The following CSMD2 variants were observed in gnomAD, a reference collection of about 807,000 sequenced individuals.
The protein encoded by CSMD2 is CUB and sushi domain-containing protein 2.
CSMD2 carries 130 observed loss-of-function variants against 398.5 expected under a neutral mutation model. The ratio of observed to expected loss-of-function variants is 0.33; its 90% CI spans 0.28 to 0.38. CSMD2 has a LOEUF of 0.38. Among genes scored for constraint, CSMD2 ranks in the 10% least tolerant of loss-of-function variants. CSMD2 has a pLI of 1.00. For missense variants in CSMD2, 3,829 were observed against 4,764.9 expected, an observed-to-expected ratio of 0.80 and a Z score of 5.78; for synonymous variants, 1,828 against 1,908.5, an observed-to-expected ratio of 0.96 and a Z score of 1.10.
intron 35 of CSMD2, 131 bp from the exon 36 acceptor site, chr1:33,623,597 A>G: frequency 1.5e-6 from 1 of 648,538 alleles, no homozygotes; most frequent in Admixed American, 2.6e-5. Flanking sequence ...ACACTGTGCT[A>G]GTCCCTTTCA....
In CSMD2 at chr1:33,935,916, G is replaced by T. The variant is rs750977806; in HGVS notation, c.556C>A (p.Pro186Thr). ...GTTGAACCCTGCTGGATGCCATTGG[G>T]CAGCCTCCCTGGGTTCCCACATGTG... ...SHTCGNPGRL[P>T]NGIQQGSTFN... Residue 186 changes from proline to threonine, a missense_variant, in exon 4 of 71, where the codon CCC becomes ACC. This residue lies in a region of CSMD2 where 2,001 missense variants were observed against 2,567.1 expected (regional missense o/e 0.78). Coordinates refer to ENST00000373381, the MANE Select transcript of CSMD2 (RefSeq NM_001281956.2). The T allele has an allele frequency of 1.6e-5, 26 of 1,613,352 alleles. No homozygotes were observed. Among genetic ancestry groups the T allele is most frequent in the Non-Finnish European group, 2.2e-5 (26 of 1,179,614 alleles).
At position 33,602,378 on chromosome 1, in the gene CSMD2, A is replaced by G. The variant is rs148123514; in HGVS notation, c.6701T>C (p.Ile2234Thr). 1.2e-6 allele frequency: 2 copies of G among 1,613,864 alleles called. No individual in the cohort carries two copies. The highest frequency in any genetic ancestry group is 1.7e-6 in the Non-Finnish European group (2 of 1,179,944). ...LLQTEPSGDFITIWDGPQQTA... is the reference protein window; with the variant it reads ...LLQTEPSGDFTTIWDGPQQTA... ...ATGGCACCTGGCCTACCAGATGGTG[A>G]TGAAATCTCCAGAGGGCTCTGTCTG... Residue 2234 changes from isoleucine (I) to threonine (T), a missense_variant, in exon 43 of 71, where the codon ATC becomes ACC. Ile to Thr is a moderately conservative substitution (Grantham distance 89). Around this residue, in one of 5 missense-constraint regions of CSMD2, gnomAD observed 723 missense variants for 758.6 expected, o/e 0.95. Transcript: ENST00000373381.
chr1:33,706,797 T>C (rs912730334), intron 22 of CSMD2, among the ~76,000 whole-genome samples: 1 of 151,590 alleles, frequency 6.6e-6, no homozygotes, highest in Non-Finnish European at 1.5e-5. Context: ...CGTGTGTGTG[T>C]GTGCGCGTGC....
At chr1:33,607,698 C>T (rs117936800) in intron 41 of CSMD2, among the ~76,000 whole-genome samples, 1 of 152,332 alleles carries the variant, frequency 6.6e-6, no homozygotes, top group East Asian at 1.9e-4. Context: ...GGAGCAGGTG[C>T]CCCGGCACCA....
At chr1:34,071,760 C>T (rs1017945238) in intron 2 of CSMD2, among the ~76,000 whole-genome samples, 2 of 152,206 alleles carry the variant, frequency 1.3e-5, no homozygotes, top group South Asian at 2.1e-4. Context: ...GCTTAACGTG[C>T]CATTGGAAAA....
intron 48 of CSMD2, among the ~76,000 whole-genome samples, chr1:33,578,514 G>C (rs1638456527): frequency 6.6e-6 from 1 of 152,198 alleles, no homozygotes; most frequent in Non-Finnish European, 1.5e-5. Flanking sequence ...GGAGGTGGAG[G>C]CTGCAGGGAG....
intron 3 of CSMD2, among the ~76,000 whole-genome samples, chr1:34,002,052 G>A (rs950196107): frequency 5.9e-5 from 9 of 151,880 alleles, no homozygotes; most frequent in African/African-American, 2.2e-4. Flanking sequence ...TCCATCTGTC[G>A]AATTTAAGTA....
rs577615193 is a variant in CSMD2 at position 33,860,576 on chromosome 1, G to C, written c.921-13580C>G. Reference sequence around the variant, plus strand: ...GGCTAAGTCCAGCCCACACTGGAGAGGGGGAGTGCCATCTGTTTTTATTCC... The same window carrying C: ...GGCTAAGTCCAGCCCACACTGGAGACGGGGAGTGCCATCTGTTTTTATTCC... On this transcript the variant is annotated intron_variant, in intron 5 of 70. Transcript: ENST00000373381. 6.6e-5 allele frequency: 10 copies of C among 152,278 alleles called. No homozygotes were observed. In the East Asian group the frequency reaches 1.9e-3, roughly 29 times the overall value. The allele number at this position is 152,278 out of a possible 1,614,324, so 9.4% of individuals were successfully genotyped here. A position where few individuals can be genotyped will look rare whatever the true frequency, so the allele number is the denominator to read the frequency against.
intron 3 of CSMD2, among the ~76,000 whole-genome samples, chr1:33,940,877 C>T (rs985987270): frequency 6.6e-6 from 1 of 152,148 alleles, no homozygotes; most frequent in Non-Finnish European, 1.5e-5. Context: ...TCAAGGGCAA[C>T]ATTTAAAGTG....
intron 25 of CSMD2, among the ~76,000 whole-genome samples, chr1:33,672,371 C>T (rs1012702709): frequency 6.6e-6 from 1 of 152,150 alleles, no homozygotes; most frequent in Non-Finnish European, 1.5e-5. Flanking sequence ...CTTGCTAGCA[C>T]AGCAGTCTGA....
At chr1:33,984,017 G>A (rs1646260467) in intron 3 of CSMD2, among the ~76,000 whole-genome samples, 1 of 152,158 alleles carries the variant, frequency 6.6e-6, no homozygotes, top group Non-Finnish European at 1.5e-5. Context: ...AGCTAGGCGT[G>A]GTGGCGCATG....
chr1:33,692,114 A>G (rs962345633), intron 25 of CSMD2, among the ~76,000 whole-genome samples: 1 of 152,160 alleles, frequency 6.6e-6, no homozygotes, highest in East Asian at 1.9e-4. Flanking sequence ...AATAATGCCT[A>G]TTTGTTATTA....
intron 10 of CSMD2, among the ~76,000 whole-genome samples, chr1:33,810,439 C>A (rs1172108730): frequency 3.9e-5 from 6 of 152,068 alleles, no homozygotes; most frequent in South Asian, 2.1e-4. Flanking sequence ...GTAATGGTTA[C>A]CTCTGAGGGT....
intron 6 of CSMD2, among the ~76,000 whole-genome samples, chr1:33,841,340 T>G (rs7546990): frequency 6.6e-6 from 1 of 152,194 alleles, no homozygotes; most frequent in Non-Finnish European, 1.5e-5. Context: ...AAGTGATTGA[T>G]GAATATGAGG....
intron 3 of CSMD2, among the ~76,000 whole-genome samples, chr1:33,946,461 A>G (rs1644839908): frequency 6.6e-6 from 1 of 152,184 alleles, no homozygotes; most frequent in Non-Finnish European, 1.5e-5. Flanking sequence ...TTCTGGGGGC[A>G]GGATTGGCCT....
rs1415724881 is a variant in CSMD2, at chr1:33,633,032, A to G, written c.5200+390T>C. ...AGATACAAAGACTGGAAGGAAATCCACTACATCTTGTCAGTGGCTCTTTCG... is the reference window on the plus strand; with the variant it reads ...AGATACAAAGACTGGAAGGAAATCCGCTACATCTTGTCAGTGGCTCTTTCG... On this transcript the variant is annotated intron_variant, in intron 32 of 70. Transcript: ENST00000373381. The surrounding 1 kb of genome is among the most constrained non-coding windows in gnomAD (Gnocchi z 5.0). Among the ~76,000 whole-genome samples the G allele has an allele frequency of 6.6e-6, 1 of 152,234 alleles. No individual in the cohort carries two copies. Among genetic ancestry groups the G allele is most frequent in the Non-Finnish European group, 1.5e-5 (1 of 68,042 alleles).
chr1:33,593,345 T>C (rs1639600553), intron 44 of CSMD2, among the ~76,000 whole-genome samples: 1 of 152,242 alleles, frequency 6.6e-6, no homozygotes. Flanking sequence ...CTAAATATAT[T>C]AGTCCATTTT....
intron 2 of CSMD2, among the ~76,000 whole-genome samples, chr1:34,076,926 AAAATATATAT>A (rs1241899695): frequency 7.2e-5 from 7 of 97,200 alleles, no homozygotes; most frequent in African/African-American, 3.5e-4. Flanking sequence ...AAAAAAAAAA[AAAATATATAT>A]ATATATATAT....
chr1:33,595,893 C>A (rs901686969), intron 44 of CSMD2, among the ~76,000 whole-genome samples: 1 of 152,208 alleles, frequency 6.6e-6, no homozygotes, highest in Non-Finnish European at 1.5e-5. Flanking sequence ...TGCTCTGAAG[C>A]CTTCTCAGTA....
Sources: allele counts gnomAD v4.1 joint callset (sites outside exome capture counted in the v4.1 genomes callset), GRCh38; gene constraint gnomAD v4.1.1; regional missense constraint gnomAD v4.1.1; non-coding constraint Gnocchi (gnomAD v3.1); transcripts MANE v1.5; gene names NCBI Gene and HGNC (gene_info 2026-07-23, HGNC 2026-07-21).